ME3: variants seen among roughly 807,000 people sequenced by gnomAD.
The protein encoded by ME3 is malic enzyme 3.
A neutral mutation model predicts 68.9 loss-of-function variants in ME3; 48 were observed. The ratio of observed to expected loss-of-function variants is 0.70; its 90% CI spans 0.55 to 0.89. ME3 has a LOEUF of 0.89. Ranked by LOEUF, ME3 falls within the 40% of genes least tolerant of loss-of-function variation. The pLI is 0.00. For missense variants in ME3, 675 were observed against 797.4 expected (o/e 0.85, Z 1.85); for synonymous variants, 320 against 318.8 (o/e 1.00, Z -0.04).
chr11:86,447,882 GAGAA>G lies in ME3; in HGVS notation c.1237+264_1237+267del, dbSNP rs1200604560. ...AAAAAAAAAAAAAAAAAAAGACAGA[GAGAA>G]AGAGAGAGAGAGACAGACTAGCCCT... On this transcript the variant is annotated intron_variant, in intron 11 of 14. Coordinates refer to ENST00000543262, the Ensembl canonical transcript of ME3. 3.6e-5 allele frequency among the ~76,000 whole-genome samples: 5 copies of G among 139,496 alleles called. No individual in the cohort carries two copies. The South Asian group carries it at 9.5e-4, about 27-fold the overall frequency. The allele number at this position is 139,496 out of a possible 152,430, so 91.5% of individuals were successfully genotyped here.
intron 8 of ME3, chr11:86,462,544 T>G (rs1594054497): frequency 8.2e-7 from 1 of 1,216,282 alleles, no homozygotes; most frequent in Non-Finnish European, 1.1e-6. Flanking sequence ...CAGGGGCAGG[T>G]GTCCAGTGTA....
intron 7 of ME3, among the ~76,000 whole-genome samples, chr11:86,481,137 G>A (rs1354274507): frequency 6.6e-6 from 1 of 151,812 alleles, no homozygotes; most frequent in Non-Finnish European, 1.5e-5. Flanking sequence ...AAACCCCTGG[G>A]CTTAAGTGAT....
At chr11:86,615,370 T>TC (rs1307963103) in intron 2 of ME3, among the ~76,000 whole-genome samples, 1 of 152,190 alleles carries the variant, frequency 6.6e-6, no homozygotes. Context: ...TATTTTGTCC[T>TC]CCCCCAATTC....
chr11:86,560,744 G>GTATATATATATATATATATATATA (rs58764893), intron 2 of ME3, among the ~76,000 whole-genome samples: 2 of 66,896 alleles, frequency 3.0e-5, no homozygotes, highest in Admixed American at 3.5e-4. Flanking sequence ...GTGTGTGTGT[G>GTATATATATATATATATATATATA]TGTGTATATA....
At chr11:86,559,719 A>G (rs759602865) in exon 3 of ME3, 17 of 1,613,754 alleles carry the variant, frequency 1.1e-5, no homozygotes, top group African/African-American at 4.0e-5. Context: ...GCCGCTCGTA[A>G]TATCTCATGA....
chr11:86,489,714 C>A (rs540878167), intron 6 of ME3, among the ~76,000 whole-genome samples: 1 of 152,216 alleles, frequency 6.6e-6, no homozygotes, highest in African/African-American at 2.4e-5. Context: ...TCTCCCTGGG[C>A]TCTCTTACTC....
intron 8 of ME3, among the ~76,000 whole-genome samples, chr11:86,454,420 A>G (rs1949804847): frequency 6.6e-6 from 1 of 152,232 alleles, no homozygotes; most frequent in Middle Eastern, 3.2e-3. Flanking sequence ...AGGAGTAATG[A>G]TTAAGTAAAG....
rs759705266 is a variant in ME3 at position 86,447,222 on chromosome 11, CG to C, written c.1238-16del. On this transcript the variant is annotated splice_polypyrimidine_tract_variant and intron_variant, in intron 11 of 14. Coordinates refer to ENST00000543262, the Ensembl canonical transcript of ME3. ...GGCAGCAACACCTACAGGGAAAAGG[CG>C]GGTAGTGGGGATGCCTGCTCTCTAT... 3.1e-6 allele frequency: 5 copies of C among 1,612,666 alleles called. No homozygotes were observed. Among genetic ancestry groups the C allele is most frequent in the Non-Finnish European group, 4.2e-6 (5 of 1,179,278 alleles).
chr11:86,480,076 C>A (rs986720169), intron 7 of ME3, among the ~76,000 whole-genome samples: 2 of 152,212 alleles, frequency 1.3e-5, no homozygotes, highest in African/African-American at 4.8e-5. Context: ...GCCTTGGCCT[C>A]CCAAATTGCT....
chr11:86,607,075 A>C (rs1396864684), intron 2 of ME3, among the ~76,000 whole-genome samples: 2 of 152,154 alleles, frequency 1.3e-5, no homozygotes, highest in Non-Finnish European at 2.9e-5. Context: ...ACTGTTGTTG[A>C]TCTGGATAGA....
intron 7 of ME3, among the ~76,000 whole-genome samples, chr11:86,481,182 A>G (rs1195850217): frequency 6.6e-6 from 1 of 151,236 alleles, no homozygotes; most frequent in African/African-American, 2.4e-5. Flanking sequence ...GCTGGCAATA[A>G]AAGCGAGTGC....
chr11:86,655,284 C>T (rs1367118380), intron 2 of ME3, among the ~76,000 whole-genome samples: 17 of 152,078 alleles, frequency 1.1e-4, no homozygotes, highest in South Asian at 4.2e-4. Context: ...GAGCCTGCAT[C>T]GCCAAGTCAA....
intron 4 of ME3, among the ~76,000 whole-genome samples, chr11:86,539,114 A>C (rs1239006500): frequency 6.6e-6 from 1 of 152,152 alleles, no homozygotes; most frequent in African/African-American, 2.4e-5. Context: ...AACTGAAAAA[A>C]TTGGGGTTGT....
chr11:86,602,527 G>A (rs2135128398), intron 2 of ME3, among the ~76,000 whole-genome samples: 1 of 152,108 alleles, frequency 6.6e-6, no homozygotes, highest in South Asian at 2.1e-4. Flanking sequence ...TGGCCATACT[G>A]CCCAAGGTAA....
chr11:86,626,571 A>G lies in ME3; in HGVS notation c.183+45191T>C, dbSNP rs575533760. Among the ~76,000 whole-genome samples, 12 of 152,330 alleles carry G rather than the reference A, an allele frequency of 7.9e-5. No individual in the cohort carries two copies. In the South Asian group the frequency reaches 2.5e-3, roughly 32 times the overall value. The stretch of plus-strand genomic sequence containing the variant: ...CCAACTTTTGTTCCTGTAGACCTAA[A>G]GGTGGTAGGTACTTCCTAGAGTTGC... On this transcript the variant is annotated intron_variant, in intron 2 of 14. Coordinates refer to ENST00000543262, the Ensembl canonical transcript of ME3.
chr11:86,440,813 G>A (rs959121223), downstream of ME3, among the ~76,000 whole-genome samples: 1 of 152,286 alleles, frequency 6.6e-6, no homozygotes, highest in South Asian at 2.1e-4. Context: ...TTGGGACTCA[G>A]TGTAAACACT....
intron 8 of ME3, among the ~76,000 whole-genome samples, 180 bp from the exon 9 acceptor site, chr11:86,450,578 T>C (rs192153227): frequency 1.2e-3 from 181 of 152,356 alleles, no homozygotes; most frequent in African/African-American, 4.2e-3. Context: ...CAGATAACTT[T>C]TTTGTTGTTG....
chr11:86,550,606 A>G (rs1265939293), intron 4 of ME3, among the ~76,000 whole-genome samples: 2 of 152,244 alleles, frequency 1.3e-5, no homozygotes, highest in African/African-American at 4.8e-5. Flanking sequence ...TGGAATGTCA[A>G]GCAGTCTTGG....
At position 86,566,032 on chromosome 11, in the gene ME3, G is replaced by T. The variant is rs117472979; in HGVS notation, c.184-6209C>A. Reference sequence around the variant, plus strand: ...GAGACTTTTTCTGTGTAGAACTCAGGGTGGCCCTGCTGGAGTGAGGGCTGC... The same window carrying T: ...GAGACTTTTTCTGTGTAGAACTCAGTGTGGCCCTGCTGGAGTGAGGGCTGC... On this transcript the variant is annotated intron_variant, in intron 2 of 14. Coordinates refer to ENST00000543262, the Ensembl canonical transcript of ME3. Among the ~76,000 whole-genome samples, 90 of 123,224 alleles carry T rather than the reference G, an allele frequency of 7.3e-4. 1 individual carries two copies. In the East Asian group the frequency reaches 0.017, roughly 23 times the overall value. The allele number at this position is 123,224 out of a possible 152,430, so 80.8% of individuals were successfully genotyped here.
Sources: gnomAD v4.1 joint callset for allele counts (sites outside exome capture counted in the v4.1 genomes callset) on GRCh38, gnomAD v4.1.1 for gene constraint, MANE v1.5 for transcripts, NCBI Gene and HGNC (gene_info 2026-07-23, HGNC 2026-07-21) for gene names.